SLC17A1: variants seen among roughly 807,000 people sequenced by gnomAD.
SLC17A1 encodes solute carrier family 17 member 1, also known as sodium-dependent phosphate transport protein 1.
SLC17A1 carries 51 observed loss-of-function variants against 53.5 expected under a neutral mutation model. The observed-to-expected ratio is 0.95, with a 90% CI of 0.76 to 1.20. SLC17A1 has a LOEUF of 1.20. SLC17A1 is among the 50% of genes most tolerant of loss of function. SLC17A1 has a pLI of 0.00. For missense variants in SLC17A1, 538 were observed against 568.2 expected (o/e 0.95, Z 0.54); for synonymous variants, 179 against 198.8 (o/e 0.90, Z 0.84).
the SLC17A1 span, chr6:25,727,185 T>G: frequency 6.2e-7 from 1 of 1,614,076 alleles, no homozygotes; most frequent in Non-Finnish European, 8.5e-7. Flanking sequence ...CACCATTTCT[T>G]CCAGAGAGAT....
chr6:25,823,368 T>C (rs780343631), intron 3 of SLC17A1, among the ~76,000 whole-genome samples: 2 of 152,176 alleles, frequency 1.3e-5, no homozygotes, highest in Admixed American at 6.5e-5. Flanking sequence ...GGTAGGCATA[T>C]GCTTAATTTT....
chr6:25,770,326 GT>G, the SLC17A1 span: 1 of 1,613,596 alleles, frequency 6.2e-7, no homozygotes. Context: ...CCAGGTATAA[GT>G]GGAATATAGG....
At chr6:25,773,431 C>T in the SLC17A1 span, 2 of 1,611,546 alleles carry the variant, frequency 1.2e-6, no homozygotes, top group Non-Finnish European at 1.7e-6. Flanking sequence ...CTCTATGTCC[C>T]TCTAGACGTC....
chr6:25,724,136 A>T, the SLC17A1 span, among the ~76,000 whole-genome samples: 2 of 152,230 alleles, frequency 1.3e-5, no homozygotes, highest in African/African-American at 4.8e-5. Context: ...TATAAGAAGA[A>T]ATCAAGGCTG....
the SLC17A1 span, among the ~76,000 whole-genome samples, chr6:25,751,165 G>C: frequency 6.6e-6 from 1 of 152,142 alleles, no homozygotes; most frequent in African/African-American, 2.4e-5. Flanking sequence ...AGTCTCGTTA[G>C]TTCATGAGTT....
chr6:25,774,096 A>G, the SLC17A1 span, among the ~76,000 whole-genome samples: 3 of 152,226 alleles, frequency 2.0e-5, no homozygotes, highest in African/African-American at 4.8e-5. Context: ...CATAAACAAC[A>G]TATGCTGAAA....
the SLC17A1 span, among the ~76,000 whole-genome samples, chr6:25,772,974 G>C: frequency 3.3e-5 from 5 of 152,196 alleles, no homozygotes; most frequent in Admixed American, 6.5e-5. Context: ...CAATGGATGA[G>C]CTGGAGCATA....
chr6:25,758,865 C>G, the SLC17A1 span, among the ~76,000 whole-genome samples: 1 of 152,038 alleles, frequency 6.6e-6, no homozygotes, highest in African/African-American at 2.4e-5. Context: ...TCTTGTTTCT[C>G]TAGTTCCTTG....
At chr6:25,796,304 T>C (rs759541191) in intron 12 of SLC17A1, among the ~76,000 whole-genome samples, 9 of 152,210 alleles carry the variant, frequency 5.9e-5, no homozygotes, top group Non-Finnish European at 8.8e-5. Flanking sequence ...ATCCAGATTT[T>C]TGCCATTTCT....
Position 25,798,917 on chromosome 6 carries a change from A to T in SLC17A1, c.1272T>A (p.Asp424Glu), listed in dbSNP as rs1763668956. ...AGGTTTTAAACCAGGCGGATTCCGG[A>T]TCCTAAGGAATTAAAATTCAAAGTA... ...STLTGLILKQDPESAWFKTFI... is the reference protein window; with the variant it reads ...STLTGLILKQEPESAWFKTFI... Residue 424 changes from aspartate (D) to glutamate (E), a missense_variant and splice_region_variant, in exon 12 of 13, where the codon GAT (aspartate) becomes GAA (glutamate). Transcript: ENST00000244527. 1 of 1,558,420 alleles carries T rather than the reference A, an allele frequency of 6.4e-7. No individual in the cohort carries two copies. The highest frequency in any genetic ancestry group is 1.4e-5 in the African/African-American group (1 of 74,064).
At chr6:25,773,454 A>C in the SLC17A1 span, 1 of 1,612,588 alleles carries the variant, frequency 6.2e-7, no homozygotes, top group Non-Finnish European at 8.5e-7. Flanking sequence ...AGAGATGAAG[A>C]ATGTGATAGA....
chr6:25,792,925 C>G (rs1763533639), intron 12 of SLC17A1, among the ~76,000 whole-genome samples: 1 of 152,154 alleles, frequency 6.6e-6, no homozygotes, highest in Non-Finnish European at 1.5e-5. Context: ...TGCCTCTACT[C>G]TTGTTTTCCT....
Position 25,811,767 on chromosome 6 carries a change from C to G in SLC17A1, c.901G>C (p.Gly301Arg). The change falls in exon 9 of 13, where the codon GGG becomes CGG. Residue 301 changes from glycine to arginine, a missense_variant. Coordinates refer to ENST00000244527, the MANE Select transcript of SLC17A1 (RefSeq NM_005074.5). ...SMLHVNIKENGFLSSLPYLFA... is the reference protein window; with the variant it reads ...SMLHVNIKENRFLSSLPYLFA... The stretch of plus-strand genomic sequence containing the variant: ...AAATAGGGAAGGGAAGACAAGAACC[C>G]ATTCTGAAGAGGAAACATTATTCTT... 6.2e-7 allele frequency: 1 copy of G among 1,613,582 alleles called. No individual in the cohort carries two copies. Among genetic ancestry groups the G allele is most frequent in the Non-Finnish European group, 8.5e-7 (1 of 1,179,660 alleles).
the SLC17A1 span, chr6:25,726,073 T>C: frequency 6.9e-7 from 1 of 1,456,334 alleles, no homozygotes; most frequent in Non-Finnish European, 9.2e-7. Context: ...TAGGTGGCTC[T>C]GAAAAGAGCC....
At chr6:25,726,513 C>G in the SLC17A1 span, 14 of 1,610,206 alleles carry the variant, frequency 8.7e-6, no homozygotes, top group Admixed American at 1.7e-5. Context: ...CTCCCTGCTT[C>G]CCTCGTCCAG....
At chr6:25,776,838 G>A in the SLC17A1 span, 12 of 1,613,802 alleles carry the variant, frequency 7.4e-6, no homozygotes, top group Admixed American at 5.0e-5. Context: ...CGTGATCCTC[G>A]TGTCCCTGCC....
At chr6:25,742,512 C>CAAAAAAAAAAAA in the SLC17A1 span, among the ~76,000 whole-genome samples, 1 of 127,144 alleles carries the variant, frequency 7.9e-6, no homozygotes, top group African/African-American at 3.1e-5. Context: ...AAAAACAATA[C>CAAAAAAAAAAAA]AAAAAAAAAA....
At chr6:25,735,403 G>C in the SLC17A1 span, among the ~76,000 whole-genome samples, 1 of 152,170 alleles carries the variant, frequency 6.6e-6, no homozygotes, top group African/African-American at 2.4e-5. Context: ...GAGGAGCAGA[G>C]AGATTAAGTG....
the SLC17A1 span, among the ~76,000 whole-genome samples, chr6:25,741,917 A>T: frequency 6.6e-6 from 1 of 152,094 alleles, no homozygotes; most frequent in Non-Finnish European, 1.5e-5. Context: ...ACATTGTTGA[A>T]GTATATCCTT....
Sources: gnomAD v4.1 joint callset for allele counts (sites outside exome capture counted in the v4.1 genomes callset) on GRCh38, gnomAD v4.1.1 for gene constraint, MANE v1.5 for transcripts, NCBI Gene and HGNC (gene_info 2026-07-23, HGNC 2026-07-21) for gene names.